The following IL1RAPL1 variants were observed in gnomAD, a reference collection of about 807,000 sequenced individuals.
IL1RAPL1 encodes the protein interleukin 1 receptor accessory protein like 1, also known as interleukin-1 receptor accessory protein-like 1.
Under a neutral mutation model 48.4 loss-of-function variants are expected in IL1RAPL1, and 3 were observed. The observed-to-expected ratio is 0.06, with a 90% CI of 0.03 to 0.16. The LOEUF (loss-of-function observed/expected upper bound fraction) is 0.16. IL1RAPL1 is among the 10% of genes least tolerant of loss of function. IL1RAPL1 has a pLI of 1.00. For synonymous variants in IL1RAPL1, 185 were observed against 187.7 expected, an observed-to-expected ratio of 0.99 and a Z score of 0.12; for missense variants, 349 against 530.6, an observed-to-expected ratio of 0.66 and a Z score of 3.36.
At chrX:29,570,790 C>G (rs769495055) in intron 5 of IL1RAPL1, among the ~76,000 whole-genome samples, 1 of 112,143 alleles carries the variant, frequency 8.9e-6, no homozygotes, top group East Asian at 2.8e-4. Flanking sequence ...ATTCACTTGC[C>G]CACAAAAGGT....
chrX:29,025,178 GTA>G (rs934073460), intron 2 of IL1RAPL1, among the ~76,000 whole-genome samples: 1 of 112,280 alleles, frequency 8.9e-6, no homozygotes, highest in Non-Finnish European at 1.9e-5. Flanking sequence ...TGCATTGCAT[GTA>G]TATAATATTT....
In IL1RAPL1 at chrX:29,763,266, T is replaced by C. The variant is rs1297020355; in HGVS notation, c.778+94762T>C. On this transcript the variant is annotated intron_variant, in intron 6 of 10. Transcript: ENST00000378993. ...GTCTTGAATATCTTTTGCAAAATAT[T>C]ATAAATTATGCAAGTAATAAATGTA... 3.6e-5 allele frequency among the ~76,000 whole-genome samples: 4 copies of C among 111,491 alleles called. No individual in the cohort carries two copies. In the East Asian group the frequency reaches 1.1e-3, roughly 31 times the overall value.
At chrX:29,623,285 A>G (rs983683948) in intron 5 of IL1RAPL1, among the ~76,000 whole-genome samples, 1 of 109,919 alleles carries the variant, frequency 9.1e-6, no homozygotes, top group Non-Finnish European at 1.9e-5. Context: ...CCGTCTCAAA[A>G]AAAAAAAAAG....
At chrX:28,611,588 A>G (rs1199077592) in intron 1 of IL1RAPL1, among the ~76,000 whole-genome samples, 1 of 113,116 alleles carries the variant, frequency 8.8e-6, no homozygotes, top group African/African-American at 3.2e-5. Flanking sequence ...TGGTTAGTAT[A>G]GTTACAAGTG....
At chrX:29,720,368 G>A (rs1279586803) in intron 6 of IL1RAPL1, among the ~76,000 whole-genome samples, 1 of 111,939 alleles carries the variant, frequency 8.9e-6, no homozygotes. Context: ...GTCCATCAAT[G>A]ATAGACTGGA....
At chrX:29,507,227 A>T (rs1935340847) in intron 5 of IL1RAPL1, among the ~76,000 whole-genome samples, 1 of 103,508 alleles carries the variant, frequency 9.7e-6, no homozygotes, top group Admixed American at 1.0e-4. Flanking sequence ...ATTATTTTAT[A>T]TTTTATTTTT....
intron 2 of IL1RAPL1, among the ~76,000 whole-genome samples, chrX:29,191,772 T>G (rs1930356388): frequency 9.0e-6 from 1 of 111,660 alleles, no homozygotes; most frequent in African/African-American, 3.3e-5. Flanking sequence ...TTTCTTTCAC[T>G]GGATAAAAGT....
chrX:29,371,561 C>G (rs752036120), intron 3 of IL1RAPL1, among the ~76,000 whole-genome samples: 1 of 111,529 alleles, frequency 9.0e-6, no homozygotes, highest in Non-Finnish European at 1.9e-5. Flanking sequence ...GCATAGTACC[C>G]GATAGGTAGT....
At chrX:28,962,859 G>A (rs1924818670) in intron 2 of IL1RAPL1, among the ~76,000 whole-genome samples, 1 of 104,110 alleles carries the variant, frequency 9.6e-6, no homozygotes, top group South Asian at 4.4e-4. Context: ...TGGATACTGA[G>A]AGATGATTGT....
intron 1 of IL1RAPL1, among the ~76,000 whole-genome samples, chrX:28,729,747 C>G (rs1273514638): frequency 1.8e-5 from 2 of 111,224 alleles, no homozygotes; most frequent in Non-Finnish European, 3.8e-5. Flanking sequence ...CCTGTAATCC[C>G]AGCACTTTGG....
At chrX:29,025,305 C>T (rs1011668238) in intron 2 of IL1RAPL1, among the ~76,000 whole-genome samples, 3 of 111,708 alleles carry the variant, frequency 2.7e-5, no homozygotes, top group Non-Finnish European at 3.8e-5. Flanking sequence ...TTTTCTTGGG[C>T]GTGTAACTAG....
intron 2 of IL1RAPL1, among the ~76,000 whole-genome samples, chrX:28,821,351 C>T (rs745412193): frequency 9.0e-5 from 10 of 110,726 alleles, no homozygotes; most frequent in Admixed American, 3.9e-4. Context: ...TTCAGTATAA[C>T]ATTCAAAGGT....
chrX:29,006,370 C>T (rs990543762), intron 2 of IL1RAPL1, among the ~76,000 whole-genome samples: 4 of 109,651 alleles, frequency 3.6e-5, no homozygotes, highest in Non-Finnish European at 7.6e-5. Flanking sequence ...AAAAATTAGC[C>T]GGGCATGGTG....
intron 3 of IL1RAPL1, among the ~76,000 whole-genome samples, chrX:29,334,694 G>A (rs1739932400): frequency 8.9e-6 from 1 of 111,819 alleles, no homozygotes; most frequent in Non-Finnish European, 1.9e-5. Flanking sequence ...CGGGGCAGAG[G>A]TGCTCCCCAC....
intron 2 of IL1RAPL1, among the ~76,000 whole-genome samples, chrX:29,185,230 T>C (rs999118163): frequency 3.5e-5 from 4 of 112,710 alleles, no homozygotes; most frequent in African/African-American, 1.3e-4. Flanking sequence ...AATTACAGAA[T>C]ATTCAATTGA....
In IL1RAPL1 at chrX:29,366,393, C is replaced by T. The variant is rs16988518; in HGVS notation, c.363-29865C>T. Among the ~76,000 whole-genome samples the T allele has an allele frequency of 4.6e-3, 509 of 109,804 alleles. 1 individual carries two copies. Among genetic ancestry groups the T allele is most frequent in the African/African-American group, 0.016 (492 of 30,201 alleles). ...CAAATATTAAAGGTTCTGACAGTCGCAAGGAAGTGATCAATGATATTTGCA... is the reference window on the plus strand; with the variant it reads ...CAAATATTAAAGGTTCTGACAGTCGTAAGGAAGTGATCAATGATATTTGCA... On this transcript the variant is annotated intron_variant, in intron 3 of 10. Transcript: ENST00000378993.
At chrX:29,198,553 C>T (rs1016318288) in intron 2 of IL1RAPL1, among the ~76,000 whole-genome samples, 1 of 111,225 alleles carries the variant, frequency 9.0e-6, no homozygotes, top group Non-Finnish European at 1.9e-5. Flanking sequence ...CTCTGCCTCC[C>T]AAAGTGCTGG....
intron 2 of IL1RAPL1, among the ~76,000 whole-genome samples, chrX:28,873,106 C>CTTTTTTTTTTTT (rs764591682): frequency 6.2e-5 from 4 of 64,988 alleles, no homozygotes; most frequent in East Asian, 5.5e-4. Flanking sequence ...TTTTTTTTCA[C>CTTTTTTTTTTTT]TTTTTTTTTT....
intron 1 of IL1RAPL1, among the ~76,000 whole-genome samples, chrX:28,607,991 G>C (rs1399671813): frequency 1.8e-5 from 2 of 111,403 alleles, no homozygotes; most frequent in Non-Finnish European, 3.8e-5. Context: ...TTTGTGACTT[G>C]ATGGATAGAC....
Sources: gnomAD v4.1 joint callset for allele counts (sites outside exome capture counted in the v4.1 genomes callset) on GRCh38, gnomAD v4.1.1 for gene constraint, MANE v1.5 for transcripts, NCBI Gene and HGNC (gene_info 2026-07-23, HGNC 2026-07-21) for gene names.